RBFOX2: variants seen among roughly 807,000 people sequenced by gnomAD.
RBFOX2 encodes the protein RNA binding protein fox-1 homolog 2.
A neutral mutation model predicts 49.1 loss-of-function variants in RBFOX2; 10 were observed. The ratio of observed to expected loss-of-function variants is 0.20; its 90% CI spans 0.13 to 0.35. RBFOX2 has a LOEUF of 0.35. RBFOX2 is among the 10% of genes least tolerant of loss of function. The pLI, the probability that RBFOX2 is intolerant of heterozygous loss-of-function variation, is 1.00. For missense variants in RBFOX2, 323 were observed against 486.9 expected (o/e 0.66, Z 3.17); for synonymous variants, 183 against 187.4 (o/e 0.98, Z 0.19).
chr22:35,867,489 G>A (rs1320045778), intron 1 of RBFOX2, among the ~76,000 whole-genome samples: 4 of 152,064 alleles, frequency 2.6e-5, no homozygotes, highest in Admixed American at 2.6e-4. Flanking sequence ...TGTATTCTTT[G>A]CGTTTACTAG....
chr22:35,739,880 G>A (rs1393943908), exon 12 of RBFOX2: 1 of 152,658 alleles, frequency 6.6e-6, no homozygotes, highest in Non-Finnish European at 1.5e-5. Flanking sequence ...TTGAGTTTTG[G>A]CTGATGAGCA....
intron 2 of RBFOX2, among the ~76,000 whole-genome samples, chr22:35,787,400 G>A (rs931363242): frequency 6.6e-6 from 1 of 152,114 alleles, no homozygotes; most frequent in Admixed American, 6.5e-5. Flanking sequence ...AAAGGAAAGG[G>A]AGAGAAAAGA....
intron 1 of RBFOX2, among the ~76,000 whole-genome samples, chr22:35,833,602 C>A (rs909330697): frequency 6.6e-6 from 1 of 152,068 alleles, no homozygotes; most frequent in African/African-American, 2.4e-5. Flanking sequence ...AGATGATTGA[C>A]AAGTGATACA....
chr22:35,970,030 C>A (rs2056783640), intron 1 of RBFOX2, among the ~76,000 whole-genome samples: 1 of 152,196 alleles, frequency 6.6e-6, no homozygotes, highest in African/African-American at 2.4e-5. Flanking sequence ...AAACAAACAA[C>A]ATCTTAGCTA....
intron 1 of RBFOX2, among the ~76,000 whole-genome samples, chr22:35,869,635 C>T (rs539538134): frequency 1.4e-3 from 211 of 152,246 alleles, no homozygotes; most frequent in Non-Finnish European, 1.3e-3. Flanking sequence ...TTTCTTTAAA[C>T]AGTTGTTTAA....
chr22:35,863,698 T>A (rs542222839), intron 1 of RBFOX2, among the ~76,000 whole-genome samples: 1 of 152,334 alleles, frequency 6.6e-6, no homozygotes, highest in African/African-American at 2.4e-5. Flanking sequence ...TTTGATTTAA[T>A]GCAGCAATTA....
chr22:35,792,127 G>A (rs1947803013), intron 2 of RBFOX2, among the ~76,000 whole-genome samples: 1 of 151,802 alleles, frequency 6.6e-6, no homozygotes, highest in Non-Finnish European at 1.5e-5. Context: ...GACCAGCCTG[G>A]CCAACATGGT....
intron 1 of RBFOX2, among the ~76,000 whole-genome samples, chr22:35,896,352 C>T (rs948937415): frequency 1.4e-4 from 22 of 152,134 alleles, no homozygotes; most frequent in Admixed American, 4.6e-4. Context: ...GAGGAATATT[C>T]CACTCCTTCC....
intron 2 of RBFOX2, among the ~76,000 whole-genome samples, chr22:35,800,910 T>G (rs1949663149): frequency 6.6e-6 from 1 of 152,220 alleles, no homozygotes; most frequent in Non-Finnish European, 1.5e-5. Flanking sequence ...GACACACGAA[T>G]TTGGCTTTGC....
intron 1 of RBFOX2, among the ~76,000 whole-genome samples, chr22:35,882,539 A>G (rs572528645): frequency 7.2e-5 from 11 of 152,368 alleles, no homozygotes; most frequent in African/African-American, 2.6e-4. Flanking sequence ...TAAGTGGAAG[A>G]ACAGCTTAAC....
exon 12 of RBFOX2, chr22:35,743,988 A>G (rs1931230627): frequency 4.7e-6 from 2 of 426,274 alleles, no homozygotes; most frequent in Non-Finnish European, 8.2e-6. Context: ...CAATCTTTGG[A>G]ACAAAAGAAT....
At chr22:35,951,407 G>A (rs919070793) in intron 1 of RBFOX2, among the ~76,000 whole-genome samples, 23 of 151,184 alleles carry the variant, frequency 1.5e-4, no homozygotes, top group African/African-American at 2.9e-4. Flanking sequence ...CACCACACCC[G>A]GCTAATTCTG....
At chr22:35,950,788 G>A (rs1159620756) in intron 1 of RBFOX2, among the ~76,000 whole-genome samples, 1 of 151,842 alleles carries the variant, frequency 6.6e-6, no homozygotes, top group Admixed American at 6.6e-5. Context: ...TCGGTCCCGG[G>A]GTAGCTGCTT....
At chr22:35,761,914 A>C (rs1939036711) in intron 6 of RBFOX2, among the ~76,000 whole-genome samples, 1 of 152,128 alleles carries the variant, frequency 6.6e-6, no homozygotes, top group Non-Finnish European at 1.5e-5. Flanking sequence ...CATGGGCTGA[A>C]CTCAAATTCA....
At chr22:35,983,012 A>C (rs1414300140) in intron 1 of RBFOX2, among the ~76,000 whole-genome samples, 1 of 152,172 alleles carries the variant, frequency 6.6e-6, no homozygotes, top group Non-Finnish European at 1.5e-5. Context: ...GCAGCAAAGC[A>C]AACAATGACT....
At chr22:35,928,501 ATCT>A (rs1459254945) in intron 1 of RBFOX2, among the ~76,000 whole-genome samples, 3 of 152,190 alleles carry the variant, frequency 2.0e-5, no homozygotes, top group African/African-American at 7.2e-5. Flanking sequence ...AAACCTGCAA[ATCT>A]TCTTTGAAGG....
chr22:35,999,157 T>C (rs1050003658), intron 1 of RBFOX2: 2 of 152,256 alleles, frequency 1.3e-5, no homozygotes, highest in Admixed American at 6.5e-5. Flanking sequence ...TCAACTCAAA[T>C]GTGCTCATGG....
intron 2 of RBFOX2, among the ~76,000 whole-genome samples, chr22:35,807,413 G>GAAATT (rs1950963003): frequency 6.6e-6 from 1 of 151,610 alleles, no homozygotes; most frequent in African/African-American, 2.4e-5. Context: ...AAGCGCCAAA[G>GAAATT]AAATTAAATT....
chr22:36,022,064 C>T (rs938126423), intron 1 of RBFOX2, among the ~76,000 whole-genome samples: 1 of 152,194 alleles, frequency 6.6e-6, no homozygotes, highest in Non-Finnish European at 1.5e-5. Context: ...GAAGGAAGTG[C>T]ACATTTGCCC....
Sources: gnomAD v4.1 joint callset for allele counts (sites outside exome capture counted in the v4.1 genomes callset) on GRCh38, gnomAD v4.1.1 for gene constraint, MANE v1.5 for transcripts, NCBI Gene and HGNC (gene_info 2026-07-23, HGNC 2026-07-21) for gene names.